Variants in CPD observed in about 807,000 individuals in gnomAD.
The protein encoded by CPD is carboxypeptidase D.
In CPD, 69 loss-of-function variants were observed where a neutral mutation model predicts 138.3. That is an observed-to-expected ratio of 0.50 (90% CI 0.41 to 0.61). The LOEUF is 0.61. Ranked by LOEUF, CPD falls within the 20% of genes least tolerant of loss-of-function variation. CPD has a pLI of 0.00. For missense variants in CPD, 1,432 were observed against 1,733.3 expected, an observed-to-expected ratio of 0.83 and a Z score of 3.09; for synonymous variants, 651 against 642.1, an observed-to-expected ratio of 1.01 and a Z score of -0.21.
chr17:30,460,149 T>A (rs931034023), intron 17 of CPD, among the ~76,000 whole-genome samples: 1 of 152,184 alleles, frequency 6.6e-6, no homozygotes, highest in Admixed American at 6.5e-5. Flanking sequence ...GGAGATGGCA[T>A]TTGGGCTGCA....
intron 2 of CPD, among the ~76,000 whole-genome samples, chr17:30,391,219 G>T (rs1288061738): frequency 7.1e-6 from 1 of 140,504 alleles, no homozygotes; most frequent in Non-Finnish European, 1.5e-5. Context: ...TGAAGACATT[G>T]TAAAAATCAT....
chr17:30,398,215 CAGAATAATAGAATAGAATAGAACAGAAT>C (rs1911559935), intron 2 of CPD, among the ~76,000 whole-genome samples: 1 of 134,380 alleles, frequency 7.4e-6, no homozygotes, highest in African/African-American at 2.9e-5. Flanking sequence ...TAGAATAGAA[CAGAATAATAGAATAGAATAGAACAGAAT>C]AGAATAATAG....
In CPD at chr17:30,423,306, T is replaced by C. The variant is rs192451877; in HGVS notation, c.1658-200T>C. Among the ~76,000 whole-genome samples the C allele has an allele frequency of 9.2e-5, 14 of 152,342 alleles. No homozygotes were observed. In the East Asian group the frequency reaches 2.5e-3, roughly 27 times the overall value. On this transcript the variant is annotated intron_variant, in intron 5 of 20. Transcript: ENST00000225719. ...TTATTTATATTATATAGCATATATA[T>C]GCTTTGAGCCTGCTCAGACATATGT...
intron 14 of CPD, chr17:30,455,069 A>C (rs1913258708): frequency 4.2e-6 from 1 of 238,220 alleles, no homozygotes; most frequent in African/African-American, 2.3e-5. Context: ...GGATATGCTT[A>C]TTCTTTTTGT....
intron 4 of CPD, 80 bp from the exon 5 acceptor site, chr17:30,422,594 A>G (rs907259606): frequency 2.3e-6 from 2 of 879,398 alleles, no homozygotes; most frequent in African/African-American, 3.4e-5. Context: ...AGAGGATGAA[A>G]AGGCTACTGT....
At chr17:30,429,343 C>T (rs1430606699) in intron 7 of CPD, among the ~76,000 whole-genome samples, 3 of 152,166 alleles carry the variant, frequency 2.0e-5, no homozygotes, top group Non-Finnish European at 4.4e-5. Context: ...AAATAAGTCA[C>T]AGATTTACAG....
At position 30,448,717 on chromosome 17, in the gene CPD, A is replaced by AT. The variant is rs548303103; in HGVS notation, c.2874-829dup. On this transcript the variant is annotated intron_variant, in intron 12 of 20. Coordinates refer to ENST00000225719, the MANE Select transcript of CPD (RefSeq NM_001304.5). ...ATTGTTTAATTTTCATTGAATTAGT[A>AT]TTTTTTTCCCCACTCAAATTACTTT... is the stretch of plus-strand genomic sequence containing the variant. Among the ~76,000 whole-genome samples, 4 of 152,152 alleles carry AT rather than the reference A, an allele frequency of 2.6e-5. No homozygotes were observed. In the South Asian group the frequency reaches 8.3e-4, roughly 32 times the overall value.
chr17:30,438,092 C>A (rs1281766441), intron 8 of CPD, among the ~76,000 whole-genome samples: 1 of 145,640 alleles, frequency 6.9e-6, no homozygotes, highest in Admixed American at 7.0e-5. Flanking sequence ...AGTTCTCCAA[C>A]CTTGGCCTCC....
chr17:30,382,845 G>T (rs950414874), intron 1 of CPD, among the ~76,000 whole-genome samples: 1 of 152,020 alleles, frequency 6.6e-6, no homozygotes, highest in East Asian at 1.9e-4. Flanking sequence ...GAGGGTATTT[G>T]TTTGTTTGTT....
intron 2 of CPD, among the ~76,000 whole-genome samples, chr17:30,412,068 G>A (rs1911982633): frequency 6.6e-6 from 1 of 152,172 alleles, no homozygotes. Context: ...TTTTGCTGAT[G>A]TTGATGCTAT....
In CPD at chr17:30,451,865, C is replaced by T; in HGVS notation, c.3205+19C>T. The T allele has an allele frequency of 6.2e-7, 1 of 1,611,812 alleles. No individual in the cohort carries two copies. Among genetic ancestry groups the T allele is most frequent in the Non-Finnish European group, 8.5e-7 (1 of 1,178,544 alleles). ...TTCACAAGTAAGACTAATTTTTAGG[C>T]TACTAAAGTACTTAGGAGATAATTT... On this transcript the variant is annotated intron_variant, in intron 14 of 20. Transcript: ENST00000225719.
rs1345755958 is a variant in CPD at position 30,466,757 on chromosome 17, G to A, written c.*1943G>A. 6.6e-6 allele frequency: 1 copy of A among 152,560 alleles called. No homozygotes were observed. Among genetic ancestry groups the A allele is most frequent in the Admixed American group, 6.6e-5 (1 of 15,262 alleles). The allele number at this position is 152,560 out of a possible 1,614,324, so 9.5% of individuals were successfully genotyped here. On this transcript the variant is annotated 3_prime_UTR_variant, in exon 21 of 21. Transcript: ENST00000225719. ...GACAAGCTTTGCTTTGTTATCATTG[G>A]TCTTCACTAGAGGATACCTTTTACA...
intron 13 of CPD, 129 bp from the exon 14 acceptor site, chr17:30,451,582 C>T (rs1597735060): frequency 2.5e-6 from 2 of 800,122 alleles, no homozygotes; most frequent in African/African-American, 1.8e-5. Flanking sequence ...TTTATTTTTT[C>T]ATTCATCTTA....
intron 2 of CPD, among the ~76,000 whole-genome samples, chr17:30,411,589 T>C (rs1702664797): frequency 6.6e-6 from 1 of 152,180 alleles, no homozygotes; most frequent in East Asian, 1.9e-4. Context: ...TCTTGTCTTC[T>C]CGTTTTATTT....
chr17:30,384,946 G>A, intron 1 of CPD, 43 bp from the exon 2 acceptor site: 1 of 1,586,034 alleles, frequency 6.3e-7, no homozygotes, highest in Non-Finnish European at 8.6e-7. Flanking sequence ...ATGGTGTTTT[G>A]TGTCCTTTTT....
rs945639033 is a variant in CPD, at chr17:30,379,030, T to G, written c.50T>G (p.Leu17Arg). 3 of 1,558,924 alleles carry G rather than the reference T, an allele frequency of 1.9e-6. No homozygotes were observed. In the Admixed American group the frequency reaches 5.4e-5, roughly 28 times the overall value. Residue 17 changes from leucine to arginine, a missense_variant, in exon 1 of 21, where the codon CTG becomes CGG. Physicochemically the swap from Leu to Arg is moderately radical, Grantham distance 102. Coordinates refer to ENST00000225719, the MANE Select transcript of CPD (RefSeq NM_001304.5). The surrounding 1 kb of genome is among the most constrained non-coding windows in gnomAD (Gnocchi z 7.0). ...CCGCCTTGGCGGCTAGGGCGGCTCC[T>G]GTTGCTCATGTGCCTGCTGCTGCTG... ...ERPPWRLGRL[L>R]LLMCLLLLGS...
Position 30,422,692 on chromosome 17 carries a change from T to C in CPD, c.1326T>C (p.Val442=). The C allele has an allele frequency of 1.2e-6, 2 of 1,610,958 alleles. No homozygotes were observed. The highest frequency in any genetic ancestry group is 1.7e-6 in the Non-Finnish European group (2 of 1,178,532). The change falls in exon 5 of 21, where the codon GTT becomes GTC. Residue 442 remains valine, a synonymous_variant. Transcript: ENST00000225719. ...TTTTCAGGTATATGCCATTGACTGT[T>C]ACTAATGTAGTGGTGAAAGAAGGAC... The part of the protein sequence containing the change: ...VVLTGYMPLT[V]TNVVVKEGPA...
At chr17:30,439,346 G>A (rs1912785828) in intron 9 of CPD, among the ~76,000 whole-genome samples, 1 of 145,190 alleles carries the variant, frequency 6.9e-6, no homozygotes, top group Non-Finnish European at 1.5e-5. Context: ...GCTAATAGAA[G>A]AGTGTAAGCT....
chr17:30,379,748 C>T lies in CPD; in HGVS notation c.746+22C>T. 30 of 1,422,324 alleles carry T rather than the reference C, an allele frequency of 2.1e-5. No individual in the cohort carries two copies. Among genetic ancestry groups the T allele is most frequent in the Non-Finnish European group, 2.6e-5 (28 of 1,093,642 alleles). The allele number at this position is 1,422,324 out of a possible 1,614,324, so 88.1% of individuals were successfully genotyped here. On this transcript the variant is annotated intron_variant, in intron 1 of 20. Transcript: ENST00000225719. This position sits in a 1 kb window ranked among gnomAD's most constrained non-coding sequence, Gnocchi z 7.0. ...ACAAGTGAGTGTTGCCTGCCCCCTC[C>T]CCGTCCGTGTGAGCCTCCAAGGGCC...
Sources: gnomAD v4.1 joint callset for allele counts (sites outside exome capture counted in the v4.1 genomes callset) on GRCh38, gnomAD v4.1.1 for gene constraint, Gnocchi (gnomAD v3.1) non-coding constraint, MANE v1.5 for transcripts, NCBI Gene and HGNC (gene_info 2026-07-23, HGNC 2026-07-21) for gene names.